Variants in SLC2A13 observed in about 807,000 individuals in gnomAD.
SLC2A13 encodes the protein solute carrier family 2 member 13.
A neutral mutation model predicts 64.4 loss-of-function variants in SLC2A13; 32 were observed. The ratio of observed to expected loss-of-function variants is 0.50; its 90% confidence interval spans 0.37 to 0.67. SLC2A13 has a LOEUF of 0.67. Ranked by LOEUF, SLC2A13 falls within the 30% of genes least tolerant of loss-of-function variation. The pLI, the probability that SLC2A13 is intolerant of heterozygous loss-of-function variation, is 0.00. For synonymous variants in SLC2A13, 338 were observed against 327.1 expected, an observed-to-expected ratio of 1.03 and a Z score of -0.36; for missense variants, 743 against 829.2, an observed-to-expected ratio of 0.90 and a Z score of 1.28.
intron 1 of SLC2A13, among the ~76,000 whole-genome samples, chr12:40,096,184 C>T (rs573458018): frequency 6.6e-6 from 1 of 152,094 alleles, no homozygotes; most frequent in African/African-American, 2.4e-5. Flanking sequence ...CCGCCTCAGC[C>T]TCCCAAAGTG....
intron 1 of SLC2A13, among the ~76,000 whole-genome samples, chr12:40,059,066 T>A (rs1276784992): frequency 3.3e-5 from 5 of 152,222 alleles, no homozygotes; most frequent in Non-Finnish European, 7.3e-5. Flanking sequence ...TATCACTTAT[T>A]TCTGCTGCAG....
chr12:39,915,445 C>T (rs1226831184), intron 4 of SLC2A13, among the ~76,000 whole-genome samples: 2 of 151,978 alleles, frequency 1.3e-5, no homozygotes, highest in African/African-American at 4.8e-5. Flanking sequence ...GAAACACCCT[C>T]AGCAGGAGGT....
intron 3 of SLC2A13, among the ~76,000 whole-genome samples, chr12:39,968,319 C>T (rs28370802): frequency 4.6e-5 from 7 of 152,154 alleles, no homozygotes; most frequent in South Asian, 2.1e-4. Context: ...CTGACTATCA[C>T]GAGAACAACA....
chr12:40,055,493 T>C (rs1353315086), intron 1 of SLC2A13, among the ~76,000 whole-genome samples: 2 of 152,244 alleles, frequency 1.3e-5, no homozygotes. Flanking sequence ...ACTACAAGCC[T>C]GTTAATGGAA....
At chr12:40,096,917 C>T (rs1443082133) in intron 1 of SLC2A13, among the ~76,000 whole-genome samples, 1 of 151,988 alleles carries the variant, frequency 6.6e-6, no homozygotes, top group Non-Finnish European at 1.5e-5. Flanking sequence ...TTATAGTGAC[C>T]ATATTTCGCT....
chr12:39,904,054 T>C (rs145124355), intron 4 of SLC2A13, among the ~76,000 whole-genome samples: 58 of 152,280 alleles, frequency 3.8e-4, no homozygotes, highest in African/African-American at 1.3e-3. Context: ...TTACTGATTA[T>C]ACACAGGAAA....
At chr12:39,976,354 G>A (rs1483185450) in intron 3 of SLC2A13, among the ~76,000 whole-genome samples, 2 of 152,150 alleles carry the variant, frequency 1.3e-5, no homozygotes, top group African/African-American at 2.4e-5. Context: ...ATGGTACGTG[G>A]CACTTACCAA....
chr12:39,971,311 G>A (rs534249111), intron 3 of SLC2A13, among the ~76,000 whole-genome samples: 42 of 152,218 alleles, frequency 2.8e-4, no homozygotes, highest in Admixed American at 1.2e-3. Flanking sequence ...CTTACTATAA[G>A]TGCTCAATGA....
chr12:40,026,797 T>C (rs990298958), intron 3 of SLC2A13, among the ~76,000 whole-genome samples: 3 of 152,182 alleles, frequency 2.0e-5, no homozygotes, highest in Admixed American at 1.3e-4. Context: ...AACAAATTCA[T>C]GGCCAGGTGC....
chr12:39,988,650 A>G (rs28370634), intron 3 of SLC2A13, among the ~76,000 whole-genome samples: 110,819 of 126,762 alleles, frequency 0.87, 48,514 homozygotes, highest in African/African-American at 0.95. Context: ...GGAGAGGGAG[A>G]AAAGGAAGGA....
At chr12:39,926,092 A>T (rs182747013) in intron 4 of SLC2A13, among the ~76,000 whole-genome samples, 43 of 152,310 alleles carry the variant, frequency 2.8e-4, no homozygotes, top group Admixed American at 2.7e-3. Context: ...AGCAAAGATT[A>T]TTGGAAATCT....
chr12:39,985,257 T>C (rs1297263323), intron 3 of SLC2A13, among the ~76,000 whole-genome samples: 1 of 152,130 alleles, frequency 6.6e-6, no homozygotes, highest in Non-Finnish European at 1.5e-5. Flanking sequence ...TTCTTGGTGT[T>C]AGTTTGTTAG....
chr12:40,090,222 CT>C (rs1336526770), intron 1 of SLC2A13, among the ~76,000 whole-genome samples: 1 of 152,046 alleles, frequency 6.6e-6, no homozygotes, highest in Non-Finnish European at 1.5e-5. Flanking sequence ...ACAAAAGTTC[CT>C]AGTAATCATC....
intron 3 of SLC2A13, among the ~76,000 whole-genome samples, chr12:40,021,476 T>C (rs1947716966): frequency 1.3e-5 from 2 of 152,240 alleles, no homozygotes; most frequent in South Asian, 4.1e-4. Flanking sequence ...GTCCTTCAGC[T>C]TACAGCTTAA....
At position 39,982,511 on chromosome 12, in the gene SLC2A13, C is replaced by T. The variant is rs1229135703; in HGVS notation, c.926-31146G>A. Among the ~76,000 whole-genome samples the T allele has an allele frequency of 7.9e-5, 12 of 151,484 alleles. No homozygotes were observed. In the East Asian group the frequency reaches 1.4e-3, roughly 17 times the overall value. On this transcript the variant is annotated intron_variant, in intron 3 of 9. Coordinates refer to ENST00000280871, the MANE Select transcript of SLC2A13 (RefSeq NM_052885.4). Reference sequence around the variant, plus strand: ...ATACAAAATCAAAGTACAAAAATCACAAGCATTCTTATACACCAACAACAG... The same window carrying T: ...ATACAAAATCAAAGTACAAAAATCATAAGCATTCTTATACACCAACAACAG...
chr12:40,069,758 C>T (rs562910444), intron 1 of SLC2A13, among the ~76,000 whole-genome samples: 3 of 152,174 alleles, frequency 2.0e-5, no homozygotes, highest in African/African-American at 7.2e-5. Flanking sequence ...AATTATTAGG[C>T]ATGTAACCTT....
intron 1 of SLC2A13, among the ~76,000 whole-genome samples, chr12:40,083,246 AG>A (rs1938473940): frequency 6.6e-6 from 1 of 152,014 alleles, no homozygotes; most frequent in Non-Finnish European, 1.5e-5. Flanking sequence ...CAGAAACAGA[AG>A]ATCCCCTTTT....
chr12:39,897,023 C>T (rs1944940533), intron 4 of SLC2A13, among the ~76,000 whole-genome samples: 1 of 152,046 alleles, frequency 6.6e-6, no homozygotes, highest in Admixed American at 6.6e-5. Flanking sequence ...AGGAAGAGAC[C>T]AACAAGTTCT....
At chr12:39,922,414 T>G (rs1351397409) in intron 4 of SLC2A13, among the ~76,000 whole-genome samples, 2 of 152,326 alleles carry the variant, frequency 1.3e-5, no homozygotes, top group Non-Finnish European at 2.9e-5. Context: ...GATTAGTATT[T>G]CATGTTGGTC....
Sources: gnomAD v4.1 joint callset for allele counts (sites outside exome capture counted in the v4.1 genomes callset) on GRCh38, gnomAD v4.1.1 for gene constraint, MANE v1.5 for transcripts, NCBI Gene and HGNC (gene_info 2026-07-23, HGNC 2026-07-21) for gene names.